Variants in GLYATL3 observed in about 807,000 individuals in gnomAD.
GLYATL3 encodes the protein glycine-N-acyltransferase like 3, also known as glycine N-acyltransferase-like protein 3.
A neutral mutation model predicts 28.5 loss-of-function variants in GLYATL3; 31 were observed. That is an observed-to-expected ratio of 1.09 (90% CI 0.82 to 1.47). The LOEUF (loss-of-function observed/expected upper bound fraction) is 1.47, where lower values mean the gene tolerates loss of function less well. Among genes scored for constraint, GLYATL3 ranks in the 40% most tolerant of loss-of-function variants. The probability of loss-of-function intolerance (pLI) is 0.00; values close to 1 mark genes in which losing one functional copy is unlikely to be tolerated. For synonymous variants in GLYATL3, 141 were observed against 140.2 expected (o/e 1.01, Z -0.04); for missense variants, 369 against 351.5 (o/e 1.05, Z -0.40).
intron 1 of GLYATL3, among the ~76,000 whole-genome samples, chr6:49,502,557 A>T (rs1375353850): frequency 6.6e-6 from 1 of 152,198 alleles, no homozygotes; most frequent in African/African-American, 2.4e-5. Flanking sequence ...TTCTAAACTT[A>T]TAATTCTTAT....
intron 4 of GLYATL3, among the ~76,000 whole-genome samples, chr6:49,518,519 A>C (rs1399423220): frequency 1.3e-5 from 2 of 152,212 alleles, no homozygotes; most frequent in African/African-American, 4.8e-5. Flanking sequence ...GGAAATCTAA[A>C]GTCTAGTATT....
chr6:49,515,691 CT>C lies in GLYATL3; in HGVS notation c.120del (p.Gln41LysfsTer83). The stretch of plus-strand genomic sequence containing the variant: ...TGATGAACATAAATCGTGGGAACCC[CT>C]TTCAAAAGGAAGTGGTGTTGGATTC... The part of the protein sequence containing the change: ...AVMNINRGNP[F>X]QKEVVLDSWP... On this transcript the variant is annotated frameshift_variant, in exon 3 of 6. Coordinates refer to ENST00000371197, the MANE Select transcript of GLYATL3 (RefSeq NM_001010904.2). LOFTEE classifies it high-confidence loss of function. 1 of 1,551,306 alleles carries C rather than the reference CT, an allele frequency of 6.4e-7. No homozygotes were observed. Among genetic ancestry groups the C allele is most frequent in the Non-Finnish European group, 8.7e-7 (1 of 1,146,648 alleles).
chr6:49,508,308 C>T (rs1581866446), intron 1 of GLYATL3, among the ~76,000 whole-genome samples: 1 of 151,876 alleles, frequency 6.6e-6, no homozygotes, highest in South Asian at 2.1e-4. Flanking sequence ...ACAACAATAA[C>T]AACAACAACA....
At chr6:49,524,955 C>CGAGA (rs1388543673) in intron 5 of GLYATL3, among the ~76,000 whole-genome samples, 1 of 124,204 alleles carries the variant, frequency 8.1e-6, no homozygotes, top group East Asian at 2.3e-4. Context: ...GGCAACAATG[C>CGAGA]GAGACTCCCT....
intron 5 of GLYATL3, among the ~76,000 whole-genome samples, chr6:49,525,768 T>TA (rs915749638): frequency 6.6e-6 from 1 of 152,048 alleles, no homozygotes; most frequent in Non-Finnish European, 1.5e-5. Flanking sequence ...TCTGCTCACT[T>TA]ACCTGCCTGT....
chr6:49,512,000 C>T lies in GLYATL3; in HGVS notation c.10C>T (p.Leu4=), dbSNP rs1043742293. Residue 4 remains leucine (L), a synonymous_variant, in exon 2 of 6, where the codon CTA becomes TTA. Transcript: ENST00000371197. ...AAGAGCTCTGGAAAAGATGTTGGTG[C>T]TAAACTGTTCTACCAAATTACTGAT... MLV[L]NCSTKLLILE... 1.3e-5 allele frequency: 19 copies of T among 1,496,176 alleles called. No individual in the cohort carries two copies. The highest frequency in any genetic ancestry group is 1.3e-5 in the Non-Finnish European group (14 of 1,099,964). The allele number at this position is 1,496,176 out of a possible 1,614,324, so 92.7% of individuals were successfully genotyped here. A position where few individuals can be genotyped will look rare whatever the true frequency, so the allele number is the denominator to read the frequency against.
chr6:49,520,449 A>T (rs528357024), intron 4 of GLYATL3, among the ~76,000 whole-genome samples: 1 of 152,296 alleles, frequency 6.6e-6, no homozygotes, highest in Admixed American at 6.5e-5. Flanking sequence ...AAGCCTACTT[A>T]TCTTTTCTGA....
intron 1 of GLYATL3, among the ~76,000 whole-genome samples, chr6:49,511,501 C>T (rs577407107): frequency 6.6e-6 from 1 of 152,162 alleles, no homozygotes; most frequent in Non-Finnish European, 1.5e-5. Flanking sequence ...TTACCCTGAG[C>T]TTCATATTTT....
intron 1 of GLYATL3, among the ~76,000 whole-genome samples, chr6:49,505,919 C>G (rs1417692201): frequency 6.6e-6 from 1 of 152,192 alleles, no homozygotes; most frequent in Non-Finnish European, 1.5e-5. Context: ...ATACGAGAGA[C>G]TTGTGCCTCT....
At chr6:49,523,695 A>G (rs997293485) in intron 5 of GLYATL3, among the ~76,000 whole-genome samples, 19 of 152,220 alleles carry the variant, frequency 1.2e-4, no homozygotes, top group African/African-American at 4.6e-4. Context: ...GTAAAATAAC[A>G]TTATTCATAT....
intron 5 of GLYATL3, among the ~76,000 whole-genome samples, chr6:49,524,999 C>T (rs1264801509): frequency 7.4e-6 from 1 of 135,966 alleles, no homozygotes; most frequent in East Asian, 2.2e-4. Context: ...AAAGAACAAA[C>T]ATTTCTAAAG....
chr6:49,505,412 C>T (rs758249802), intron 1 of GLYATL3, among the ~76,000 whole-genome samples: 1 of 152,172 alleles, frequency 6.6e-6, no homozygotes, highest in Non-Finnish European at 1.5e-5. Flanking sequence ...GCAAACAACT[C>T]GGCTTTTTGA....
At chr6:49,523,337 C>T (rs897431554) in intron 5 of GLYATL3, among the ~76,000 whole-genome samples, 19 of 152,220 alleles carry the variant, frequency 1.2e-4, no homozygotes, top group African/African-American at 4.6e-4. Context: ...GGATTACAGG[C>T]ATGAGCCACC....
chr6:49,505,749 C>A (rs1769000474), intron 1 of GLYATL3, among the ~76,000 whole-genome samples: 2 of 152,184 alleles, frequency 1.3e-5, no homozygotes, highest in African/African-American at 4.8e-5. Context: ...GACATCCTAA[C>A]CCAATCAAAG....
chr6:49,506,112 G>A (rs1437401555), intron 1 of GLYATL3, among the ~76,000 whole-genome samples: 2 of 152,214 alleles, frequency 1.3e-5, no homozygotes, highest in Non-Finnish European at 2.9e-5. Context: ...CATTTAAGGT[G>A]TTTAAATTGT....
At chr6:49,519,467 A>C (rs1159011456) in intron 4 of GLYATL3, among the ~76,000 whole-genome samples, 1 of 152,180 alleles carries the variant, frequency 6.6e-6, no homozygotes, top group Non-Finnish European at 1.5e-5. Context: ...TAATAGCTGT[A>C]ATGTTCTTGG....
rs1769130304 is a variant in GLYATL3, at chr6:49,512,039, T to C, written c.49T>C (p.Leu17=). 1.2e-5 allele frequency: 18 copies of C among 1,463,834 alleles called. No homozygotes were observed. The highest frequency in any genetic ancestry group is 1.6e-5 in the Non-Finnish European group (17 of 1,069,476). The allele number at this position is 1,463,834 out of a possible 1,614,324, so 90.7% of individuals were successfully genotyped here. Residue 17 remains leucine, a synonymous_variant, in exon 2 of 6, where the codon TTG becomes CTG. Coordinates refer to ENST00000371197, the MANE Select transcript of GLYATL3 (RefSeq NM_001010904.2). ...CAAATTACTGATACTGGAGAAAATGTTGAAGAGTTGCTTTCCTGAATCACT... is the reference window on the plus strand; with the variant it reads ...CAAATTACTGATACTGGAGAAAATGCTGAAGAGTTGCTTTCCTGAATCACT... ...STKLLILEKM[L]KSCFPESLKV... is the part of the protein sequence containing the mutation.
In GLYATL3 at chr6:49,517,448, G is replaced by T; in HGVS notation, c.205G>T (p.Asp69Tyr). ...GTCCTAGGCTGAGACAGATAACCTT[G>T]ATCATTATACTAATGCCTATGCTGT... ...RQREAETDNL[D>Y]HYTNAYAVFY... Residue 69 changes from aspartate (D) to tyrosine (Y), a missense_variant, in exon 4 of 6, where the codon GAT (aspartate) becomes TAT (tyrosine). Asp to Tyr is a radical substitution (Grantham distance 160). Transcript: ENST00000371197. The T allele has an allele frequency of 1.9e-6, 3 of 1,544,008 alleles. No individual in the cohort carries two copies. Among genetic ancestry groups the T allele is most frequent in the South Asian group, 1.2e-5 (1 of 82,394 alleles).
At chr6:49,524,579 C>A (rs922914330) in intron 5 of GLYATL3, among the ~76,000 whole-genome samples, 3 of 152,072 alleles carry the variant, frequency 2.0e-5, no homozygotes, top group Admixed American at 6.5e-5. Context: ...AACTTTCATA[C>A]CATTAGAATA....
Sources: gnomAD v4.1 joint callset for allele counts (sites outside exome capture counted in the v4.1 genomes callset) on GRCh38, gnomAD v4.1.1 for gene constraint, MANE v1.5 for transcripts, NCBI Gene and HGNC (gene_info 2026-07-23, HGNC 2026-07-21) for gene names.